SH3GL2: variants seen among roughly 807,000 people sequenced by gnomAD.
The protein encoded by SH3GL2 is endophilin-A1.
SH3GL2 carries 24 observed loss-of-function variants against 46.0 expected under a neutral mutation model. The observed-to-expected ratio is 0.52, with a 90% CI of 0.38 to 0.73. The LOEUF (loss-of-function observed/expected upper bound fraction) is 0.73. SH3GL2 is among the 30% of genes least tolerant of loss of function. The pLI is 0.00. For synonymous variants in SH3GL2, 196 were observed against 147.1 expected, an observed-to-expected ratio of 1.33 and a Z score of -2.40; for missense variants, 413 against 424.2, an observed-to-expected ratio of 0.97 and a Z score of 0.23.
intron 8 of SH3GL2, among the ~76,000 whole-genome samples, chr9:17,793,942 C>G (rs1427327742): frequency 6.6e-6 from 1 of 152,234 alleles, no homozygotes; most frequent in Non-Finnish European, 1.5e-5. Flanking sequence ...GCAAGCGGCT[C>G]CAGAAATGTG....
At chr9:17,585,239 A>AG (rs1159947131) in intron 1 of SH3GL2, among the ~76,000 whole-genome samples, 1 of 152,168 alleles carries the variant, frequency 6.6e-6, no homozygotes, top group East Asian at 1.9e-4. Flanking sequence ...ATGAATAATG[A>AG]GAATTAGGTG....
chr9:17,661,619 G>A (rs2117889884), intron 1 of SH3GL2, among the ~76,000 whole-genome samples: 1 of 152,264 alleles, frequency 6.6e-6, no homozygotes, highest in East Asian at 1.9e-4. Flanking sequence ...TTGTGTGTGT[G>A]TTGAATTACA....
intron 2 of SH3GL2, among the ~76,000 whole-genome samples, chr9:17,752,164 A>T (rs1234350532): frequency 6.6e-6 from 1 of 152,166 alleles, no homozygotes; most frequent in Non-Finnish European, 1.5e-5. Context: ...GGACAGATGG[A>T]TTAACTCTTC....
chr9:17,749,177 C>A (rs530089150), intron 2 of SH3GL2, among the ~76,000 whole-genome samples: 3 of 152,336 alleles, frequency 2.0e-5, no homozygotes, highest in Non-Finnish European at 4.4e-5. Flanking sequence ...TATTTCTCAT[C>A]TCTGGATGGT....
At chr9:17,606,396 C>G (rs1818762734) in intron 1 of SH3GL2, among the ~76,000 whole-genome samples, 1 of 152,190 alleles carries the variant, frequency 6.6e-6, no homozygotes, top group Admixed American at 6.5e-5. Context: ...CGCTCAGACC[C>G]CACAACTCCC....
chr9:17,666,447 G>C (rs941812849), intron 1 of SH3GL2, among the ~76,000 whole-genome samples: 1 of 151,796 alleles, frequency 6.6e-6, no homozygotes, highest in Admixed American at 6.6e-5. Flanking sequence ...ATAGGTAACT[G>C]GTATCATTAG....
At chr9:17,617,906 C>G (rs1819042512) in intron 1 of SH3GL2, among the ~76,000 whole-genome samples, 1 of 152,042 alleles carries the variant, frequency 6.6e-6, no homozygotes, top group Non-Finnish European at 1.5e-5. Context: ...GTCTCCAGCT[C>G]AAGACTTGAG....
intron 1 of SH3GL2, among the ~76,000 whole-genome samples, chr9:17,745,961 G>A (rs1394788056): frequency 3.3e-5 from 5 of 152,192 alleles, no homozygotes; most frequent in Admixed American, 3.3e-4. Context: ...GAATGAAAAG[G>A]TCTTCGTGCC....
chr9:17,779,783 C>G (rs1339591536), intron 3 of SH3GL2, among the ~76,000 whole-genome samples: 3 of 152,154 alleles, frequency 2.0e-5, no homozygotes, highest in Admixed American at 1.3e-4. Flanking sequence ...CCCCCCACCA[C>G]CATCCTTTGA....
chr9:17,608,990 G>A (rs777145880), intron 1 of SH3GL2, among the ~76,000 whole-genome samples: 5 of 152,170 alleles, frequency 3.3e-5, no homozygotes, highest in East Asian at 3.9e-4. Flanking sequence ...CAGGTGATCC[G>A]CTCTTTCACT....
At chr9:17,764,175 T>C (rs745980602) in intron 3 of SH3GL2, among the ~76,000 whole-genome samples, 5 of 152,352 alleles carry the variant, frequency 3.3e-5, no homozygotes, top group Middle Eastern at 6.8e-3. Context: ...AAAACAGTTA[T>C]GTATGGGCAG....
intron 1 of SH3GL2, among the ~76,000 whole-genome samples, chr9:17,724,406 G>C (rs1226070625): frequency 6.6e-6 from 1 of 152,040 alleles, no homozygotes; most frequent in Admixed American, 6.6e-5. Context: ...ACTTCCGTAG[G>C]CATGGTTTTC....
At chr9:17,650,458 G>A (rs1819927725) in intron 1 of SH3GL2, among the ~76,000 whole-genome samples, 1 of 152,080 alleles carries the variant, frequency 6.6e-6, no homozygotes, top group South Asian at 2.1e-4. Context: ...GGAGACCTCT[G>A]CCTTCCGGGT....
At chr9:17,732,441 T>G (rs1044605767) in intron 1 of SH3GL2, among the ~76,000 whole-genome samples, 13 of 152,158 alleles carry the variant, frequency 8.5e-5, no homozygotes, top group African/African-American at 3.1e-4. Context: ...TGTCTGTTAA[T>G]GTATTCTGGA....
At chr9:17,597,484 T>G (rs754616590) in intron 1 of SH3GL2, among the ~76,000 whole-genome samples, 1 of 151,438 alleles carries the variant, frequency 6.6e-6, no homozygotes, top group Non-Finnish European at 1.5e-5. Context: ...GCCACTGCAC[T>G]CCAGCCTGGG....
intron 2 of SH3GL2, among the ~76,000 whole-genome samples, chr9:17,758,131 T>A (rs535622667): frequency 5.3e-5 from 8 of 152,314 alleles, no homozygotes; most frequent in African/African-American, 1.7e-4. Context: ...ACTTTTCTCC[T>A]CATAACACAC....
chr9:17,742,535 C>T (rs1442831949), intron 1 of SH3GL2, among the ~76,000 whole-genome samples: 5 of 151,990 alleles, frequency 3.3e-5, no homozygotes, highest in Non-Finnish European at 7.4e-5. Context: ...TTTGAAATAC[C>T]ATCCCAGAGT....
intron 1 of SH3GL2, among the ~76,000 whole-genome samples, chr9:17,608,711 C>A (rs1459102883): frequency 3.3e-5 from 5 of 152,088 alleles, no homozygotes; most frequent in Non-Finnish European, 7.4e-5. Context: ...ATAAGTGTTT[C>A]CAGAAAGCTA....
At chr9:17,704,631 A>G (rs551039836) in intron 1 of SH3GL2, among the ~76,000 whole-genome samples, 104 of 152,158 alleles carry the variant, frequency 6.8e-4, no homozygotes, top group Non-Finnish European at 1.1e-3. Context: ...AAAGCCACAC[A>G]CTTAACAACC....
Sources: allele counts gnomAD v4.1 joint callset (sites outside exome capture counted in the v4.1 genomes callset), GRCh38; gene constraint gnomAD v4.1.1; transcripts MANE v1.5; gene names NCBI Gene and HGNC (gene_info 2026-07-23, HGNC 2026-07-21).